Variants in DAPK1 observed in about 807,000 individuals in gnomAD.
The protein encoded by DAPK1 is death-associated protein kinase 1.
Under a neutral mutation model 144.9 loss-of-function variants are expected in DAPK1, and 56 were observed. The ratio of observed to expected loss-of-function variants is 0.39; its 90% CI spans 0.31 to 0.48. The LOEUF is 0.48. Among genes scored for constraint, DAPK1 ranks in the 20% least tolerant of loss-of-function variants. The probability of loss-of-function intolerance (pLI) is 0.95; values close to 1 mark genes in which losing one functional copy is unlikely to be tolerated. For synonymous variants in DAPK1, 690 were observed against 749.0 expected, an observed-to-expected ratio of 0.92 and a Z score of 1.29; for missense variants, 1,454 against 1,875.4, an observed-to-expected ratio of 0.78 and a Z score of 4.15.
At chr9:87,688,989 T>G (rs1299874658) in intron 21 of DAPK1, among the ~76,000 whole-genome samples, 1 of 152,182 alleles carries the variant, frequency 6.6e-6, no homozygotes, top group Non-Finnish European at 1.5e-5. Flanking sequence ...TTTTGAGGAC[T>G]TAGTTATAAA....
chr9:87,611,354 T>G (rs1489421232), intron 3 of DAPK1, among the ~76,000 whole-genome samples: 4 of 152,194 alleles, frequency 2.6e-5, no homozygotes, highest in Non-Finnish European at 5.9e-5. Context: ...TGTCCCTATG[T>G]TACCCAGGCT....
At chr9:87,607,438 T>G (rs1169466852) in intron 3 of DAPK1, among the ~76,000 whole-genome samples, 1 of 152,218 alleles carries the variant, frequency 6.6e-6, no homozygotes, top group Non-Finnish European at 1.5e-5. Context: ...CTAAAATATT[T>G]GAGCGATGCC....
At chr9:87,679,109 G>C (rs915947032) in intron 19 of DAPK1, among the ~76,000 whole-genome samples, 10 of 111,374 alleles carry the variant, frequency 9.0e-5, no homozygotes, top group Non-Finnish European at 1.8e-4. Context: ...CCCTTGCGTG[G>C]GTCCCTCTGA....
At chr9:87,632,236 T>C (rs562611055) in intron 3 of DAPK1, 1 of 980,850 alleles carries the variant, frequency 1.0e-6, no homozygotes, top group East Asian at 1.1e-4. Flanking sequence ...GGAGGATCGG[T>C]ATATATAGGA....
chr9:87,681,510 T>C lies in DAPK1; in HGVS notation c.2108T>C (p.Leu703Pro), dbSNP rs1485847643. 6.2e-7 allele frequency: 1 copy of C among 1,612,332 alleles called. No homozygotes were observed. The highest frequency in any genetic ancestry group is 8.5e-7 in the Non-Finnish European group (1 of 1,178,404). Residue 703 changes from leucine to proline, a missense_variant, in exon 20 of 26, where the codon CTT becomes CCT. By Grantham distance (98) the Leu-to-Pro change is moderately conservative. Coordinates refer to ENST00000408954, the MANE Select transcript of DAPK1 (RefSeq NM_004938.4). The part of the protein sequence containing the change: ...FGHSGSGKTT[L>P]VESLKCGLLR... Reference sequence around the variant, plus strand: ...CACTCGGGATCCGGGAAAACCACCCTTGTAGAATCTCTCAAGTGTGGGCTG... The same window carrying C: ...CACTCGGGATCCGGGAAAACCACCCCTGTAGAATCTCTCAAGTGTGGGCTG...
chr9:87,569,057 A>G (rs1192513905), intron 2 of DAPK1, among the ~76,000 whole-genome samples: 1 of 152,216 alleles, frequency 6.6e-6, no homozygotes, highest in African/African-American at 2.4e-5. Flanking sequence ...TGTTTTTTTA[A>G]TAAGTAGCAT....
In DAPK1 at chr9:87,602,702, C is replaced by T. The variant is rs36206859; in HGVS notation, c.63-2252C>T. ...AGGCTGGAGTGCAGTGGCACAATCTCGGCTCACTGCAAGCTCCACCTCCCA... is the reference window on the plus strand; with the variant it reads ...AGGCTGGAGTGCAGTGGCACAATCTTGGCTCACTGCAAGCTCCACCTCCCA... On this transcript the variant is annotated intron_variant, in intron 2 of 25. Coordinates refer to ENST00000408954, the MANE Select transcript of DAPK1 (RefSeq NM_004938.4). 7.4e-3 allele frequency among the ~76,000 whole-genome samples: 1,122 copies of T among 152,022 alleles called. 16 individuals carry two copies. The highest frequency in any genetic ancestry group is 0.025 in the African/African-American group (1,026 of 41,440).
chr9:87,700,715 G>A (rs1375878324), intron 24 of DAPK1, among the ~76,000 whole-genome samples: 2 of 151,956 alleles, frequency 1.3e-5, no homozygotes, highest in African/African-American at 4.8e-5. Context: ...TGCCCAGGCT[G>A]GTCTCGAACT....
chr9:87,603,185 T>C (rs1283019282), intron 2 of DAPK1, among the ~76,000 whole-genome samples: 1 of 152,102 alleles, frequency 6.6e-6, no homozygotes, highest in Non-Finnish European at 1.5e-5. Flanking sequence ...GCCTGGACTC[T>C]AAAGGAAGCA....
At chr9:87,574,109 GAAGAAAGAAGA>G (rs1322576485) in intron 2 of DAPK1, among the ~76,000 whole-genome samples, 1 of 152,160 alleles carries the variant, frequency 6.6e-6, no homozygotes, top group East Asian at 1.9e-4. Flanking sequence ...CACCCAGCAA[GAAGAAAGAAGA>G]GAGAAAGAAA....
At chr9:87,550,933 G>A (rs1381651270) in intron 2 of DAPK1, among the ~76,000 whole-genome samples, 3 of 152,096 alleles carry the variant, frequency 2.0e-5, no homozygotes, top group Admixed American at 6.6e-5. Flanking sequence ...TATTTTTCTT[G>A]GATACATACC....
At chr9:87,524,187 G>T (rs7870948) in intron 2 of DAPK1, among the ~76,000 whole-genome samples, 48,307 of 152,094 alleles carry the variant, frequency 0.32, 8,139 homozygotes, top group Middle Eastern at 0.42. Context: ...CCTCTCCCTG[G>T]GGGAAGGGGT....
chr9:87,691,816 T>C (rs573969574), intron 21 of DAPK1, among the ~76,000 whole-genome samples: 2 of 152,282 alleles, frequency 1.3e-5, no homozygotes, highest in East Asian at 3.9e-4. Context: ...TATCAATTTC[T>C]AGTTTTACTG....
rs761799828 is a variant in DAPK1, at chr9:87,658,076, C to A, written c.1872C>A (p.Asp624Glu). 1.9e-6 allele frequency: 3 copies of A among 1,549,882 alleles called. No individual in the cohort carries two copies. The highest frequency in any genetic ancestry group is 2.7e-6 in the Non-Finnish European group (3 of 1,121,988). Residue 624 changes from aspartate to glutamate, a missense_variant, in exon 18 of 26, where the codon GAC (aspartate) becomes GAA (glutamate). Physicochemically the swap from Asp to Glu is conservative, Grantham distance 45. This residue lies in a region of DAPK1 where 1,025 missense variants were observed against 1,237.9 expected (regional missense o/e 0.83). Coordinates refer to ENST00000408954, the MANE Select transcript of DAPK1 (RefSeq NM_004938.4). ...LHLAANNGIL[D>E]VVRYLCLMGA... is the part of the protein sequence containing the mutation. The stretch of plus-strand genomic sequence containing the variant: ...TTGCGGCCAACAACGGAATCCTAGA[C>A]GTGGTCCGGTATCTCTGTCTGATGG...
At chr9:87,529,558 A>G (rs576965510) in intron 2 of DAPK1, among the ~76,000 whole-genome samples, 2 of 152,338 alleles carry the variant, frequency 1.3e-5, no homozygotes, top group African/African-American at 4.8e-5. Context: ...TGGAGTGTAT[A>G]CCACATGCTC....
At chr9:87,634,748 G>A (rs1049544540) in intron 3 of DAPK1, among the ~76,000 whole-genome samples, 8 of 152,174 alleles carry the variant, frequency 5.3e-5, no homozygotes, top group Non-Finnish European at 7.3e-5. Flanking sequence ...GGTCACCGCT[G>A]CAGTGCCTGT....
At chr9:87,607,846 A>C (rs1294223588) in intron 3 of DAPK1, among the ~76,000 whole-genome samples, 1 of 152,196 alleles carries the variant, frequency 6.6e-6, no homozygotes, top group Non-Finnish European at 1.5e-5. Context: ...GTCCATTCTC[A>C]CACTGCTATA....
At chr9:87,531,352 CGT>C (rs2118359612) in intron 2 of DAPK1, among the ~76,000 whole-genome samples, 1 of 152,248 alleles carries the variant, frequency 6.6e-6, no homozygotes, top group African/African-American at 2.4e-5. Context: ...TGAAAATGGA[CGT>C]GATTTTTCCC....
chr9:87,560,027 C>T (rs1339954367), intron 2 of DAPK1, among the ~76,000 whole-genome samples: 2 of 146,024 alleles, frequency 1.4e-5, no homozygotes, highest in East Asian at 2.0e-4. Context: ...TTTTTTGAGA[C>T]GGAGTCTTGC....
Sources: gnomAD v4.1 joint callset for allele counts (sites outside exome capture counted in the v4.1 genomes callset) on GRCh38, gnomAD v4.1.1 for gene constraint, gnomAD v4.1.1 regional missense constraint, MANE v1.5 for transcripts, NCBI Gene and HGNC (gene_info 2026-07-23, HGNC 2026-07-21) for gene names.